ZMIZ1: variants seen among roughly 807,000 people sequenced by gnomAD.
The protein encoded by ZMIZ1 is zinc finger MIZ domain-containing protein 1.
A neutral mutation model predicts 113.9 loss-of-function variants in ZMIZ1; 17 were observed. The ratio of observed to expected loss-of-function variants is 0.15; its 90% CI spans 0.10 to 0.22. The LOEUF is 0.22. Among genes scored for constraint, ZMIZ1 ranks in the 10% least tolerant of loss-of-function variants. ZMIZ1 has a pLI of 1.00. For synonymous variants in ZMIZ1, 607 were observed against 603.1 expected, an observed-to-expected ratio of 1.01 and a Z score of -0.09; for missense variants, 1,059 against 1,477.8, an observed-to-expected ratio of 0.72 and a Z score of 4.65.
At chr10:79,173,198 G>A (rs1391948801) in intron 4 of ZMIZ1, among the ~76,000 whole-genome samples, 7 of 152,226 alleles carry the variant, frequency 4.6e-5, no homozygotes, top group African/African-American at 9.6e-5. Context: ...TGTCCAACCC[G>A]TGACCCATGG....
chr10:79,148,377 C>T (rs1254131571), intron 3 of ZMIZ1, among the ~76,000 whole-genome samples: 3 of 152,282 alleles, frequency 2.0e-5, no homozygotes, highest in East Asian at 1.9e-4. Context: ...GCGTACTTCC[C>T]CAGGATAGGC....
chr10:79,246,456 C>A (rs993962122), intron 7 of ZMIZ1, among the ~76,000 whole-genome samples: 4 of 152,160 alleles, frequency 2.6e-5, no homozygotes, highest in Non-Finnish European at 4.4e-5. Context: ...TTGAGCGATG[C>A]GGCATGGGTC....
intron 7 of ZMIZ1, among the ~76,000 whole-genome samples, chr10:79,251,779 T>A (rs115342979): frequency 4.5e-4 from 68 of 152,326 alleles, no homozygotes; most frequent in African/African-American, 1.4e-3. Flanking sequence ...TCATTTGATT[T>A]GCCAGCAACA....
intron 4 of ZMIZ1, among the ~76,000 whole-genome samples, chr10:79,170,862 C>T (rs1420662984): frequency 1.3e-5 from 2 of 152,162 alleles, no homozygotes; most frequent in African/African-American, 4.8e-5. Context: ...CCCACCATGC[C>T]TCTCGTTGTG....
chr10:79,107,403 C>T (rs1477063479), intron 1 of ZMIZ1, among the ~76,000 whole-genome samples: 4 of 152,148 alleles, frequency 2.6e-5, no homozygotes, highest in South Asian at 2.1e-4. Context: ...AGACACCACA[C>T]GGGGCTCTTG....
chr10:79,289,529 A>G (rs1306773658), intron 8 of ZMIZ1, among the ~76,000 whole-genome samples: 1 of 152,212 alleles, frequency 6.6e-6, no homozygotes, highest in African/African-American at 2.4e-5. Context: ...GGAGACACAC[A>G]GCCATGGAAG....
At chr10:79,174,922 C>T (rs76856214) in intron 4 of ZMIZ1, among the ~76,000 whole-genome samples, 1 of 152,216 alleles carries the variant, frequency 6.6e-6, no homozygotes, top group Non-Finnish European at 1.5e-5. Context: ...CAGGTGACAC[C>T]TGCCCTCCAT....
intron 4 of ZMIZ1, among the ~76,000 whole-genome samples, chr10:79,184,316 T>TTGTGAGC (rs1464824581): frequency 6.6e-6 from 1 of 152,158 alleles, no homozygotes; most frequent in Non-Finnish European, 1.5e-5. Flanking sequence ...ACACACAGCA[T>TTGTGAGC]TGTGAGCTGT....
At chr10:79,164,416 GT>G (rs1846233329) in intron 4 of ZMIZ1, among the ~76,000 whole-genome samples, 1 of 145,912 alleles carries the variant, frequency 6.9e-6, no homozygotes, top group South Asian at 2.2e-4. Context: ...GAGTGAGTGA[GT>G]GAGTGAGTGA....
rs987786022 is a variant in ZMIZ1, at chr10:79,069,533, G to A, written c.-337+263G>A. ...GGGGCCGGGTTTGTCAGGGTGTGCG[G>A]GGCGTAAGTGTGGTCGTGCGCGCGC... On this transcript the variant is annotated intron_variant, in intron 1 of 24. Coordinates refer to ENST00000334512, the MANE Select transcript of ZMIZ1 (RefSeq NM_020338.4). The surrounding 1 kb of genome is among the most constrained non-coding windows in gnomAD (Gnocchi z 4.6). Among the ~76,000 whole-genome samples the A allele has an allele frequency of 6.6e-6, 1 of 151,828 alleles. No homozygotes were observed. The highest frequency in any genetic ancestry group is 1.5e-5 in the Non-Finnish European group (1 of 67,914).
At chr10:79,307,152 G>C (rs1010301194) in intron 22 of ZMIZ1, among the ~76,000 whole-genome samples, 1 of 151,972 alleles carries the variant, frequency 6.6e-6, no homozygotes, top group South Asian at 2.1e-4. Context: ...AGCCTGGCCC[G>C]CCCCCTTTGT....
chr10:79,312,176 A>T (rs2132115268), intron 24 of ZMIZ1, among the ~76,000 whole-genome samples: 1 of 152,362 alleles, frequency 6.6e-6, no homozygotes, highest in African/African-American at 2.4e-5. Flanking sequence ...CCACAGGCTC[A>T]CCAAGGAGTG....
At chr10:79,216,454 C>T (rs1024749562) in intron 7 of ZMIZ1, 180 bp downstream of exon 7, 6 of 516,474 alleles carry the variant, frequency 1.2e-5, no homozygotes, top group South Asian at 8.2e-5. Flanking sequence ...GGGCTGTCCT[C>T]GTGCCTCTCC....
intron 7 of ZMIZ1, among the ~76,000 whole-genome samples, chr10:79,272,071 C>T (rs1851981580): frequency 6.6e-6 from 1 of 152,106 alleles, no homozygotes; most frequent in African/African-American, 2.4e-5. Flanking sequence ...GAGTTCGAAA[C>T]CAGCCTGGCC....
At chr10:79,107,596 A>T (rs1769667896) in intron 1 of ZMIZ1, among the ~76,000 whole-genome samples, 1 of 152,160 alleles carries the variant, frequency 6.6e-6, no homozygotes, top group African/African-American at 2.4e-5. Flanking sequence ...TGCACTGGGC[A>T]CCACCGGGCG....
At chr10:79,246,126 A>T (rs1850181667) in intron 7 of ZMIZ1, among the ~76,000 whole-genome samples, 1 of 152,252 alleles carries the variant, frequency 6.6e-6, no homozygotes, top group African/African-American at 2.4e-5. Context: ...CATTTAACAC[A>T]GGAGAAAACT....
At chr10:79,202,647 G>A (rs1848151617) in intron 5 of ZMIZ1, among the ~76,000 whole-genome samples, 2 of 152,334 alleles carry the variant, frequency 1.3e-5, no homozygotes, top group South Asian at 4.1e-4. Context: ...AGCTGCCCAG[G>A]AGTTCCCCTA....
rs1023011714 is a variant in ZMIZ1, at chr10:79,312,953, C to G, written c.*204C>G. On this transcript the variant is annotated 3_prime_UTR_variant, in exon 25 of 25. Transcript: ENST00000334512. Reference sequence around the variant, plus strand: ...AGTGCACCAGGAAGGCTGTGTGGGTCTGGAGCCCACGTCCCACCTCCACAC... The same window carrying G: ...AGTGCACCAGGAAGGCTGTGTGGGTGTGGAGCCCACGTCCCACCTCCACAC... The G allele has an allele frequency of 1.5e-5, 9 of 583,290 alleles. No individual in the cohort carries two copies. Among genetic ancestry groups the G allele is most frequent in the Non-Finnish European group, 2.7e-5 (9 of 327,890 alleles). 36.1% of individuals were successfully genotyped at this position (583,290 alleles called of 1,614,324 possible).
chr10:79,262,807 AC>A (rs1455538539), intron 7 of ZMIZ1, among the ~76,000 whole-genome samples: 9 of 152,178 alleles, frequency 5.9e-5, no homozygotes, highest in African/African-American at 2.2e-4. Context: ...ATGAATGGAG[AC>A]CAGTCTGGTG....
Sources: gnomAD v4.1 joint callset for allele counts (sites outside exome capture counted in the v4.1 genomes callset) on GRCh38, gnomAD v4.1.1 for gene constraint, Gnocchi (gnomAD v3.1) non-coding constraint, MANE v1.5 for transcripts, NCBI Gene and HGNC (gene_info 2026-07-23, HGNC 2026-07-21) for gene names.